The following OPCML variants were observed in gnomAD, a reference collection of about 807,000 sequenced individuals.
OPCML encodes opioid-binding protein/cell adhesion molecule.
OPCML carries 13 observed loss-of-function variants against 37.8 expected under a neutral mutation model. The ratio of observed to expected loss-of-function variants is 0.34; its 90% CI spans 0.22 to 0.55. OPCML has a LOEUF of 0.55. Ranked by LOEUF, OPCML falls within the 20% of genes least tolerant of loss-of-function variation. OPCML has a pLI of 0.91. For synonymous variants in OPCML, 176 were observed against 168.8 expected (o/e 1.04, Z -0.33); for missense variants, 341 against 435.6 (o/e 0.78, Z 1.93).
chr11:133,182,969 A>G (rs1478054529), intron 1 of OPCML, among the ~76,000 whole-genome samples: 1 of 152,098 alleles, frequency 6.6e-6, no homozygotes, highest in African/African-American at 2.4e-5. Context: ...TGAGGACTCA[A>G]GTGTGTCAAG....
At chr11:133,266,363 C>T (rs1014332882) in intron 1 of OPCML, among the ~76,000 whole-genome samples, 9 of 152,140 alleles carry the variant, frequency 5.9e-5, no homozygotes, top group Admixed American at 2.6e-4. Context: ...CCTCCAAGAC[C>T]CCCAATCTTT....
At position 132,633,233 on chromosome 11, in the gene OPCML, C is replaced by T. The variant is rs546135446; in HGVS notation, c.379+23854G>A. On this transcript the variant is annotated intron_variant, in intron 3 of 7. Coordinates refer to ENST00000524381, the MANE Select transcript of OPCML (RefSeq NM_001012393.5). ...TCTCTTTTTTTCTGAGACAGAGTCT[C>T]GCTCTGTCGCCCAAGCTGGAGTTCA... 1.6e-3 allele frequency among the ~76,000 whole-genome samples: 237 copies of T among 152,160 alleles called. 1 individual carries two copies. The highest frequency in any genetic ancestry group is 5.3e-3 in the African/African-American group (220 of 41,504).
At chr11:133,497,597 G>A (rs1303764844) in intron 1 of OPCML, among the ~76,000 whole-genome samples, 3 of 61,128 alleles carry the variant, frequency 4.9e-5, no homozygotes, top group East Asian at 3.5e-4. Context: ...TTTTGGTCAC[G>A]TCGCTCTTGT....
chr11:132,859,869 G>A (rs1942225422), intron 2 of OPCML: 1 of 151,906 alleles, frequency 6.6e-6, no homozygotes, highest in Admixed American at 6.6e-5. Context: ...CGGTACTATG[G>A]GCTCAGCTAC....
chr11:133,521,099 C>G (rs189329942), intron 1 of OPCML, among the ~76,000 whole-genome samples: 8 of 152,174 alleles, frequency 5.3e-5, no homozygotes, highest in Non-Finnish European at 5.9e-5. Context: ...GGTCGCCTTC[C>G]GAAGCAAGGC....
At chr11:133,439,859 G>A (rs1279635325) in intron 1 of OPCML, among the ~76,000 whole-genome samples, 1 of 151,992 alleles carries the variant, frequency 6.6e-6, no homozygotes. Flanking sequence ...ATCCAGCTAC[G>A]AATTAAAAGA....
chr11:132,588,949 A>G lies in OPCML; in HGVS notation c.380-59763T>C, dbSNP rs117322985. On this transcript the variant is annotated intron_variant, in intron 3 of 7. Transcript: ENST00000524381. ...TAACATAATCTGCCCAAACTCGCAT[A>G]TAACTACAATGCAACACTGAGAAAT... 2.0e-4 allele frequency among the ~76,000 whole-genome samples: 30 copies of G among 152,332 alleles called. 1 individual carries two copies. The East Asian group carries it at 5.8e-3, about 29-fold the overall frequency.
At chr11:133,431,526 C>T (rs1469762887) in intron 1 of OPCML, among the ~76,000 whole-genome samples, 1 of 152,032 alleles carries the variant, frequency 6.6e-6, no homozygotes, top group Admixed American at 6.6e-5. Context: ...AGGGCAATAG[C>T]GTGATCTCAG....
At chr11:133,166,552 G>T (rs1037050551) in intron 1 of OPCML, among the ~76,000 whole-genome samples, 4 of 152,192 alleles carry the variant, frequency 2.6e-5, no homozygotes, top group Admixed American at 2.6e-4. Context: ...AGGAAGGAGT[G>T]ATTTCTTCTG....
At chr11:133,067,582 T>G (rs1948460118) in intron 1 of OPCML, 1 of 152,218 alleles carries the variant, frequency 6.6e-6, no homozygotes, top group African/African-American at 2.4e-5. Context: ...CCTGGCTTTC[T>G]TATTTTACCA....
intron 1 of OPCML, among the ~76,000 whole-genome samples, chr11:133,217,430 C>T (rs517218): frequency 0.078 from 11,930 of 152,274 alleles, 516 homozygotes; most frequent in Non-Finnish European, 0.1. Flanking sequence ...TTTTCACACA[C>T]TTCTCTAATG....
At chr11:132,710,338 A>G (rs1478313152) in intron 2 of OPCML, among the ~76,000 whole-genome samples, 1 of 152,188 alleles carries the variant, frequency 6.6e-6, no homozygotes, top group East Asian at 1.9e-4. Flanking sequence ...TTTTTGGGAT[A>G]CAAGCTTCTT....
At chr11:132,564,028 CTGGTCCCTTTTA>C (rs1356378142) in intron 3 of OPCML, among the ~76,000 whole-genome samples, 2 of 152,166 alleles carry the variant, frequency 1.3e-5, no homozygotes, top group Non-Finnish European at 2.9e-5. Flanking sequence ...CATCAACTCA[CTGGTCCCTTTTA>C]TGGGTGAGAA....
intron 4 of OPCML, among the ~76,000 whole-genome samples, chr11:132,480,443 A>C (rs1238119336): frequency 2.0e-5 from 3 of 152,202 alleles, no homozygotes; most frequent in Non-Finnish European, 4.4e-5. Context: ...GGAAAACACT[A>C]TGCAGGATAT....
At chr11:132,447,487 T>C (rs1179795302) in intron 4 of OPCML, among the ~76,000 whole-genome samples, 1 of 152,024 alleles carries the variant, frequency 6.6e-6, no homozygotes, top group Non-Finnish European at 1.5e-5. Flanking sequence ...TTTTGTATTT[T>C]TTAGTAGAGA....
At chr11:133,068,858 G>A (rs1466595694) in intron 1 of OPCML, among the ~76,000 whole-genome samples, 1 of 152,160 alleles carries the variant, frequency 6.6e-6, no homozygotes, top group Non-Finnish European at 1.5e-5. Flanking sequence ...AGGTGCCCTA[G>A]GAGAAACCTA....
intron 1 of OPCML, among the ~76,000 whole-genome samples, chr11:133,256,739 T>C (rs1941323234): frequency 6.6e-6 from 1 of 152,230 alleles, no homozygotes; most frequent in Non-Finnish European, 1.5e-5. Flanking sequence ...TAGCTTTAAA[T>C]TAGAAAGTAA....
chr11:132,449,124 G>A (rs1327089549), intron 4 of OPCML, among the ~76,000 whole-genome samples: 1 of 152,182 alleles, frequency 6.6e-6, no homozygotes, highest in African/African-American at 2.4e-5. Context: ...TTGAGGTCTT[G>A]ACAGTCCACA....
At chr11:132,958,100 G>T (rs10894629) in intron 1 of OPCML, among the ~76,000 whole-genome samples, 3 of 152,090 alleles carry the variant, frequency 2.0e-5, no homozygotes, top group African/African-American at 7.2e-5. Flanking sequence ...AGTCAAGTTA[G>T]GAATGCAAAG....
Sources: allele counts gnomAD v4.1 joint callset (sites outside exome capture counted in the v4.1 genomes callset), GRCh38; gene constraint gnomAD v4.1.1; transcripts MANE v1.5; gene names NCBI Gene and HGNC (gene_info 2026-07-23, HGNC 2026-07-21).